Variants in SAMHD1 observed in about 807,000 individuals in gnomAD.
SAMHD1 encodes deoxynucleoside triphosphate triphosphohydrolase SAMHD1.
Under a neutral mutation model 79.6 loss-of-function variants are expected in SAMHD1, and 54 were observed. The observed-to-expected ratio is 0.68, with a 90% confidence interval of 0.55 to 0.85. The LOEUF (loss-of-function observed/expected upper bound fraction) is 0.85, where lower values mean the gene tolerates loss of function less well. Ranked by LOEUF, SAMHD1 falls within the 40% of genes least tolerant of loss-of-function variation. The pLI, the probability that SAMHD1 is intolerant of heterozygous loss-of-function variation, is 0.00. For synonymous variants in SAMHD1, 260 were observed against 264.1 expected (o/e 0.98, Z 0.15); for missense variants, 663 against 782.7 (o/e 0.85, Z 1.82).
intron 6 of SAMHD1, among the ~76,000 whole-genome samples, chr20:36,924,961 A>G (rs2146125539): frequency 6.6e-6 from 1 of 152,158 alleles, no homozygotes. Flanking sequence ...GTTCGAGACC[A>G]GCCTAACCAA....
intron 6 of SAMHD1, among the ~76,000 whole-genome samples, chr20:36,922,781 C>T (rs376112373): frequency 2.6e-5 from 4 of 152,158 alleles, no homozygotes; most frequent in Admixed American, 6.6e-5. Context: ...CTCCCAGGCT[C>T]AAGCAATCCT....
intron 2 of SAMHD1, among the ~76,000 whole-genome samples, chr20:36,944,077 C>CAAAAAAAAAAAAAAAAAAAAA (rs542947370): frequency 1.1e-5 from 1 of 89,994 alleles, no homozygotes; most frequent in African/African-American, 4.1e-5. Flanking sequence ...GACTCCATCT[C>CAAAAAAAAAAAAAAAAAAAAA]AAAAAAAAAA....
At chr20:36,948,015 A>G (rs1475571871) in intron 1 of SAMHD1, among the ~76,000 whole-genome samples, 2 of 151,986 alleles carry the variant, frequency 1.3e-5, no homozygotes, top group Non-Finnish European at 2.9e-5. Flanking sequence ...TATAGATCAC[A>G]TGAGTTCTAG....
chr20:36,931,717 G>T (rs1234014728), intron 4 of SAMHD1, among the ~76,000 whole-genome samples: 1 of 150,872 alleles, frequency 6.6e-6, no homozygotes, highest in African/African-American at 2.4e-5. Flanking sequence ...ATAGCCAAGA[G>T]GTAAAAGCAA....
intron 2 of SAMHD1, among the ~76,000 whole-genome samples, chr20:36,945,589 A>G (rs1159550473): frequency 6.6e-6 from 1 of 152,210 alleles, no homozygotes. Context: ...ATTATTTAAA[A>G]TAGGAATAAG....
intron 11 of SAMHD1, among the ~76,000 whole-genome samples, chr20:36,906,644 C>A (rs996984020): frequency 3.9e-5 from 6 of 151,916 alleles, no homozygotes; most frequent in Non-Finnish European, 7.4e-5. Flanking sequence ...ATGTCCCATT[C>A]GATGATGAGA....
intron 13 of SAMHD1, among the ~76,000 whole-genome samples, chr20:36,900,203 T>C (rs974752138): frequency 2.2e-4 from 33 of 152,184 alleles, no homozygotes; most frequent in African/African-American, 8.0e-4. Flanking sequence ...GAGTAAGTTC[T>C]AGGGTTCTAT....
At chr20:36,893,133 G>T (rs1003030445) in intron 15 of SAMHD1, 67 bp from the exon 16 acceptor site, 4 of 1,588,788 alleles carry the variant, frequency 2.5e-6, no homozygotes, top group Non-Finnish European at 3.4e-6. Flanking sequence ...ATTTCTGAGT[G>T]AAAGTCTCAA....
chr20:36,897,620 C>A, intron 15 of SAMHD1: 1 of 629,254 alleles, frequency 1.6e-6, no homozygotes, highest in Non-Finnish European at 2.8e-6. Context: ...AAACAGTATC[C>A]ATTCCCAACT....
At chr20:36,935,351 T>C in intron 3 of SAMHD1, 162 bp from the exon 4 acceptor site, 1 of 660,078 alleles carries the variant, frequency 1.5e-6, no homozygotes, top group East Asian at 2.7e-5. Context: ...CTTATTTAGG[T>C]ATCACTACCA....
chr20:36,901,150 G>A (rs534380457), intron 13 of SAMHD1, among the ~76,000 whole-genome samples: 105 of 152,248 alleles, frequency 6.9e-4, no homozygotes, highest in Non-Finnish European at 1.3e-3. Context: ...AAAGAGGAGA[G>A]GGGAAGAGCA....
At chr20:36,927,979 A>G (rs1052405750) in intron 5 of SAMHD1, among the ~76,000 whole-genome samples, 6 of 152,202 alleles carry the variant, frequency 3.9e-5, no homozygotes, top group African/African-American at 1.4e-4. Context: ...AGCATGCACC[A>G]CCACACAGGG....
In SAMHD1 at chr20:36,930,875, C is replaced by A; in HGVS notation, c.510G>T (p.Gly170=). Residue 170 remains glycine (G), a splice_region_variant and synonymous_variant, in exon 5 of 16, where the codon GGG becomes GGT. Coordinates refer to ENST00000646673, the MANE Select transcript of SAMHD1 (RefSeq NM_015474.4). The part of the protein sequence containing the change: ...ASHNRFEHSL[G]VGYLAGCLVH... The stretch of plus-strand genomic sequence containing the variant: ...CTAGACATCCTGCTAGATACCCCAC[C>A]CTGCAGAGCAAAAACACAAAAAGTC... The A allele has an allele frequency of 6.2e-7, 1 of 1,607,266 alleles. No homozygotes were observed. Among genetic ancestry groups the A allele is most frequent in the Non-Finnish European group, 8.5e-7 (1 of 1,173,900 alleles).
chr20:36,923,740 G>A (rs2063520452), intron 6 of SAMHD1, among the ~76,000 whole-genome samples: 1 of 152,110 alleles, frequency 6.6e-6, no homozygotes, highest in African/African-American at 2.4e-5. Context: ...GCTTGAGTCT[G>A]GAGGTCAAGA....
chr20:36,948,255 T>A (rs370656977), intron 1 of SAMHD1, among the ~76,000 whole-genome samples: 97 of 151,260 alleles, frequency 6.4e-4, no homozygotes, highest in African/African-American at 2.0e-3. Flanking sequence ...AAAGAGAGAC[T>A]TTTTTTTTCT....
At chr20:36,931,716 A>T (rs1481803462) in intron 4 of SAMHD1, among the ~76,000 whole-genome samples, 1 of 152,162 alleles carries the variant, frequency 6.6e-6, no homozygotes, top group African/African-American at 2.4e-5. Context: ...AATAGCCAAG[A>T]GGTAAAAGCA....
intron 12 of SAMHD1, 80 bp downstream of exon 12, chr20:36,905,284 T>G (rs776886611): frequency 7.0e-7 from 1 of 1,418,934 alleles, no homozygotes; most frequent in Non-Finnish European, 1.0e-6. Flanking sequence ...TACAGAGTCA[T>G]AGTATCACGA....
At chr20:36,932,636 T>C (rs935848297) in intron 4 of SAMHD1, among the ~76,000 whole-genome samples, 1 of 151,766 alleles carries the variant, frequency 6.6e-6, no homozygotes, top group Non-Finnish European at 1.5e-5. Flanking sequence ...AGGCTGATCT[T>C]GAACTCCTGA....
chr20:36,889,860 C>G (rs1298623470), downstream of SAMHD1: 1 of 153,124 alleles, frequency 6.5e-6, no homozygotes, highest in Admixed American at 6.5e-5. Context: ...TTCAACCCCC[C>G]CCAACTCTTA....
Sources: gnomAD v4.1 joint callset for allele counts (sites outside exome capture counted in the v4.1 genomes callset) on GRCh38, gnomAD v4.1.1 for gene constraint, MANE v1.5 for transcripts, NCBI Gene and HGNC (gene_info 2026-07-23, HGNC 2026-07-21) for gene names.